The following LDAH variants were observed in gnomAD, a reference collection of about 807,000 sequenced individuals.
LDAH encodes lipid droplet associated hydrolase, also known as lipid droplet-associated hydrolase.
LDAH carries 26 observed loss-of-function variants against 29.6 expected under a neutral mutation model. The observed-to-expected ratio is 0.88, with a 90% CI of 0.64 to 1.22. The LOEUF is 1.22. Among genes scored for constraint, LDAH ranks in the 50% most tolerant of loss-of-function variants. The pLI is 0.00. For missense variants in LDAH, 344 were observed against 387.3 expected, an observed-to-expected ratio of 0.89 and a Z score of 0.94; for synonymous variants, 117 against 133.0, an observed-to-expected ratio of 0.88 and a Z score of 0.83.
chr2:20,753,330 G>C (rs558811), intron 4 of LDAH, among the ~76,000 whole-genome samples: 86,193 of 152,066 alleles, frequency 0.57, 26,348 homozygotes, highest in South Asian at 0.75. Context: ...GTTGACTTGG[G>C]CCCATCTCCT....
chr2:20,811,019 CTT>C (rs1205753675), intron 1 of LDAH, among the ~76,000 whole-genome samples: 17 of 138,802 alleles, frequency 1.2e-4, no homozygotes, highest in Admixed American at 2.1e-4. Flanking sequence ...ATTCGACCTT[CTT>C]TTTTTTTTTT....
At chr2:20,793,751 A>C (rs2125082364) in intron 2 of LDAH, among the ~76,000 whole-genome samples, 1 of 149,550 alleles carries the variant, frequency 6.7e-6, no homozygotes, top group South Asian at 2.1e-4. Flanking sequence ...TCATAGCAAT[A>C]CATTTAGCAA....
intron 4 of LDAH, among the ~76,000 whole-genome samples, chr2:20,769,977 A>AT (rs973949763): frequency 2.6e-5 from 4 of 152,048 alleles, no homozygotes; most frequent in African/African-American, 9.7e-5. Context: ...TACATGAAAC[A>AT]TTTTTTTTAA....
intron 5 of LDAH, among the ~76,000 whole-genome samples, chr2:20,738,366 C>CTA (rs993255755): frequency 2.0e-5 from 3 of 149,656 alleles, no homozygotes; most frequent in Non-Finnish European, 4.4e-5. Context: ...ACACATCTCC[C>CTA]TATATATATA....
intron 2 of LDAH, among the ~76,000 whole-genome samples, chr2:20,794,817 A>C (rs896262455): frequency 1.3e-5 from 2 of 152,226 alleles, no homozygotes; most frequent in African/African-American, 4.8e-5. Context: ...GATTGGGTAC[A>C]TGGCACTCAC....
intron 6 of LDAH, among the ~76,000 whole-genome samples, chr2:20,691,850 T>C (rs1487621375): frequency 6.6e-6 from 1 of 152,220 alleles, no homozygotes; most frequent in African/African-American, 2.4e-5. Context: ...CTGTGTTTTC[T>C]GCAGGAAAGT....
chr2:20,762,888 C>T (rs563397976), intron 4 of LDAH, among the ~76,000 whole-genome samples: 23 of 152,292 alleles, frequency 1.5e-4, no homozygotes, highest in African/African-American at 3.6e-4. Context: ...CAACTATTTC[C>T]GTGCCTGAAG....
At chr2:20,736,410 C>G (rs746044738) in intron 5 of LDAH, among the ~76,000 whole-genome samples, 2 of 151,832 alleles carry the variant, frequency 1.3e-5, no homozygotes, top group African/African-American at 2.4e-5. Context: ...CCACTGCACC[C>G]TAGCCTGGGT....
intron 5 of LDAH, among the ~76,000 whole-genome samples, chr2:20,729,858 C>CAATCACAGCTCGCTGT (rs1461239161): frequency 1.3e-5 from 2 of 152,140 alleles, no homozygotes; most frequent in African/African-American, 4.8e-5. Flanking sequence ...TGCAGTGGTG[C>CAATCACAGCTCGCTGT]AATCACAGCT....
At chr2:20,804,680 T>C (rs1272875838) in intron 1 of LDAH, among the ~76,000 whole-genome samples, 1 of 152,200 alleles carries the variant, frequency 6.6e-6, no homozygotes, top group African/African-American at 2.4e-5. Flanking sequence ...TCTCTTTGTT[T>C]ATTCCTTTAT....
intron 4 of LDAH, among the ~76,000 whole-genome samples, chr2:20,760,927 A>C (rs1448255500): frequency 6.6e-6 from 1 of 152,156 alleles, no homozygotes; most frequent in Non-Finnish European, 1.5e-5. Flanking sequence ...GGTGCCACCC[A>C]CCCTAAAGTC....
intron 1 of LDAH, among the ~76,000 whole-genome samples, chr2:20,819,677 G>A (rs1030063266): frequency 6.6e-6 from 1 of 152,078 alleles, no homozygotes; most frequent in Admixed American, 6.5e-5. Flanking sequence ...GGCAAAAACT[G>A]GAAGCATTCC....
intron 2 of LDAH, among the ~76,000 whole-genome samples, chr2:20,795,207 T>C (rs369032096): frequency 1.3e-5 from 2 of 152,300 alleles, no homozygotes; most frequent in East Asian, 3.9e-4. Context: ...ACAGAAGTTG[T>C]AGTGATCATC....
At chr2:20,792,957 G>GT (rs1671074921) in intron 2 of LDAH, among the ~76,000 whole-genome samples, 1 of 152,030 alleles carries the variant, frequency 6.6e-6, no homozygotes. Context: ...ATAAAACAAA[G>GT]TTTTCTCCCT....
chr2:20,764,752 CCTCT>C (rs577627279), intron 4 of LDAH, among the ~76,000 whole-genome samples: 158 of 152,306 alleles, frequency 1.0e-3, no homozygotes, highest in Non-Finnish European at 1.7e-3. Flanking sequence ...GTAATCATCA[CCTCT>C]CTAACTCACC....
intron 4 of LDAH, among the ~76,000 whole-genome samples, chr2:20,755,129 TTGTGTGTGTGTGTG>T (rs70939051): frequency 1.7e-5 from 2 of 118,208 alleles, no homozygotes; most frequent in South Asian, 2.3e-4. Flanking sequence ...GTGTCTGTGT[TTGTGTGTGTGTGTG>T]TGTGTGTGTG....
At chr2:20,697,827 T>A (rs898026456) in intron 6 of LDAH, among the ~76,000 whole-genome samples, 1 of 152,204 alleles carries the variant, frequency 6.6e-6, no homozygotes, top group African/African-American at 2.4e-5. Context: ...AATTTAGTAT[T>A]TCTTTCAATT....
At chr2:20,762,618 C>T (rs1235624094) in intron 4 of LDAH, among the ~76,000 whole-genome samples, 2 of 152,152 alleles carry the variant, frequency 1.3e-5, no homozygotes, top group Non-Finnish European at 2.9e-5. Context: ...ATTAAGTATA[C>T]TACTATATAC....
intron 6 of LDAH, among the ~76,000 whole-genome samples, chr2:20,696,719 G>C (rs1436446782): frequency 6.6e-6 from 1 of 152,198 alleles, no homozygotes; most frequent in Admixed American, 6.5e-5. Context: ...GACAGAACAA[G>C]GGAGTGCTGA....
Sources: allele counts gnomAD v4.1 joint callset (sites outside exome capture counted in the v4.1 genomes callset), GRCh38; gene constraint gnomAD v4.1.1; transcripts MANE v1.5; gene names NCBI Gene and HGNC (gene_info 2026-07-23, HGNC 2026-07-21).